FOCAD: variants seen among roughly 807,000 people sequenced by gnomAD.
FOCAD encodes focadhesin, also known as KIAA1797.
In FOCAD, 198 loss-of-function variants were observed where a neutral mutation model predicts 225.6. The observed-to-expected ratio is 0.88, with a 90% CI of 0.78 to 0.99. The LOEUF (loss-of-function observed/expected upper bound fraction) is 0.99, where lower values mean the gene tolerates loss of function less well. Among genes scored for constraint, FOCAD ranks in the 50% least tolerant of loss-of-function variants. The pLI, the probability that FOCAD is intolerant of heterozygous loss-of-function variation, is 0.00. For missense variants in FOCAD, 2,713 were observed against 2,123.6 expected (o/e 1.28, Z -5.46); for synonymous variants, 897 against 755.0 (o/e 1.19, Z -3.08).
At chr9:20,742,142 T>A (rs1827676815) in intron 5 of FOCAD, among the ~76,000 whole-genome samples, 1 of 152,194 alleles carries the variant, frequency 6.6e-6, no homozygotes, top group Non-Finnish European at 1.5e-5. Flanking sequence ...AGGGAAGTAT[T>A]TTTAGTTCAA....
upstream of FOCAD, among the ~76,000 whole-genome samples, chr9:20,680,687 C>A (rs1822375283): frequency 6.6e-6 from 1 of 152,166 alleles, no homozygotes; most frequent in Non-Finnish European, 1.5e-5. Flanking sequence ...ATATTAGCAG[C>A]TAGCCATGGT....
intron 31 of FOCAD, 90 bp downstream of exon 31, chr9:20,948,483 A>G: frequency 2.2e-6 from 3 of 1,389,268 alleles, no homozygotes; most frequent in African/African-American, 1.4e-5. Context: ...GCTGAGATAT[A>G]TACGTTAATG....
chr9:20,935,074 C>T (rs550468445), intron 28 of FOCAD, among the ~76,000 whole-genome samples: 116 of 152,076 alleles, frequency 7.6e-4, no homozygotes, highest in Non-Finnish European at 1.6e-3. Context: ...CAGTGCAGTT[C>T]TCATCAAAAT....
chr9:20,766,064 G>A (rs1006023718), intron 7 of FOCAD, among the ~76,000 whole-genome samples: 25 of 152,164 alleles, frequency 1.6e-4, no homozygotes, highest in African/African-American at 6.0e-4. Flanking sequence ...GGGCAATAAA[G>A]CAATGTATAG....
At chr9:20,786,360 A>G (rs1031238668) in intron 10 of FOCAD, among the ~76,000 whole-genome samples, 3 of 152,202 alleles carry the variant, frequency 2.0e-5, no homozygotes, top group Admixed American at 6.5e-5. Context: ...TCTGAAAGAC[A>G]TGGGACTGAG....
chr9:20,986,780 T>C (rs1841209472), intron 40 of FOCAD, among the ~76,000 whole-genome samples: 1 of 152,210 alleles, frequency 6.6e-6, no homozygotes, highest in Non-Finnish European at 1.5e-5. Flanking sequence ...AAGATATCAA[T>C]TGATTCTGCC....
chr9:20,788,641 AG>A (rs1820193316), intron 10 of FOCAD, among the ~76,000 whole-genome samples: 1 of 152,162 alleles, frequency 6.6e-6, no homozygotes, highest in Non-Finnish European at 1.5e-5. Flanking sequence ...TTTATTAGCA[AG>A]CAATGTCTAA....
intron 2 of FOCAD, among the ~76,000 whole-genome samples, chr9:20,664,714 A>G (rs1198189076): frequency 6.6e-6 from 1 of 151,022 alleles, no homozygotes; most frequent in Non-Finnish European, 1.5e-5. Context: ...CCTGGCCTCA[A>G]GCAATCCTCC....
At chr9:20,657,256 T>G (rs202146052), upstream of FOCAD, among the ~76,000 whole-genome samples, 23 of 138,644 alleles carry the variant, frequency 1.7e-4, no homozygotes, top group Admixed American at 2.9e-4. Context: ...ATTATGTGTC[T>G]TGGAGTTGCT....
chr9:20,715,714 T>C (rs56125262), intron 2 of FOCAD, among the ~76,000 whole-genome samples: 8,378 of 152,126 alleles, frequency 0.055, 242 homozygotes, highest in Middle Eastern at 0.15. Context: ...CCTATGATTA[T>C]TGGGAACAGA....
chr9:20,910,675 G>A (rs1318455677), intron 22 of FOCAD, among the ~76,000 whole-genome samples: 2 of 152,010 alleles, frequency 1.3e-5, no homozygotes. Flanking sequence ...TTTGCTCCCA[G>A]TATGTGTTTT....
At chr9:20,960,788 A>G (rs118107041) in intron 35 of FOCAD, among the ~76,000 whole-genome samples, 9 of 139,596 alleles carry the variant, frequency 6.4e-5, no homozygotes, top group Non-Finnish European at 1.1e-4. Flanking sequence ...CCTGTGTCCA[A>G]TGTGTCCAAG....
chr9:20,764,740 T>G (rs1829910028), intron 6 of FOCAD, 129 bp from the exon 7 acceptor site: 2 of 741,328 alleles, frequency 2.7e-6, no homozygotes, highest in South Asian at 3.5e-5. Context: ...AGAAGAATCA[T>G]AAAAAGAAGT....
Position 20,867,017 on chromosome 9 carries a change from G to T in FOCAD, c.2190+5G>T, listed in dbSNP as rs1374688487. 13 of 1,551,708 alleles carry T rather than the reference G, an allele frequency of 8.4e-6. No individual in the cohort carries two copies. The highest frequency in any genetic ancestry group is 8.8e-6 in the Non-Finnish European group (10 of 1,140,448). ...ATTCTTCATCTGCCTGAAAAGGTAG[G>T]CATATCTGCTTTCTCACTGGTATTT... On this transcript the variant is annotated splice_donor_5th_base_variant and intron_variant, in intron 18 of 43. Transcript: ENST00000338382.
rs531059952 is a variant in FOCAD at position 20,721,713 on chromosome 9, C to A, written c.287+1179C>A. ...TGAAATTCCATCTTAACAACAACAA[C>A]AAAAATTTGTGGAAAGATTCCTGGG... On this transcript the variant is annotated intron_variant, in intron 4 of 43. Transcript: ENST00000338382. Among the ~76,000 whole-genome samples the A allele has an allele frequency of 5.3e-5, 8 of 152,106 alleles. No individual in the cohort carries two copies. In the East Asian group the frequency reaches 1.6e-3, roughly 29 times the overall value.
intron 27 of FOCAD, 92 bp downstream of exon 27, chr9:20,929,688 C>G: frequency 1.0e-6 from 1 of 1,002,576 alleles, no homozygotes; most frequent in Non-Finnish European, 1.5e-6. Flanking sequence ...AACATTGTAT[C>G]TGAGCAATAT....
intron 1 of FOCAD, among the ~76,000 whole-genome samples, chr9:20,709,783 A>G (rs890125317): frequency 1.3e-5 from 2 of 152,198 alleles, no homozygotes; most frequent in African/African-American, 4.8e-5. Flanking sequence ...AGGAAAGGTA[A>G]AGTTACTATA....
intron 1 of FOCAD, among the ~76,000 whole-genome samples, chr9:20,710,609 T>C (rs74871044): frequency 1.3e-5 from 2 of 149,936 alleles, no homozygotes; most frequent in South Asian, 2.1e-4. Flanking sequence ...AAAAAAAAAA[T>C]AATAATATAA....
chr9:20,950,817 GTATC>G (rs1343281259), intron 33 of FOCAD, among the ~76,000 whole-genome samples, 175 bp from the exon 34 acceptor site: 2 of 152,140 alleles, frequency 1.3e-5, no homozygotes, highest in African/African-American at 4.8e-5. Context: ...CAGTTGTTGA[GTATC>G]TATATGACAC....
Sources: gnomAD v4.1 joint callset for allele counts (sites outside exome capture counted in the v4.1 genomes callset) on GRCh38, gnomAD v4.1.1 for gene constraint, MANE v1.5 for transcripts, NCBI Gene and HGNC (gene_info 2026-07-23, HGNC 2026-07-21) for gene names.